The following SPTBN4 variants were observed in gnomAD, a reference collection of about 807,000 sequenced individuals.
The protein encoded by SPTBN4 is spectrin beta chain, non-erythrocytic 4.
SPTBN4 carries 96 observed loss-of-function variants against 277.8 expected under a neutral mutation model. The observed-to-expected ratio is 0.35, with a 90% CI of 0.29 to 0.41. SPTBN4 has a LOEUF of 0.41. SPTBN4 is among the 10% of genes least tolerant of loss of function. The pLI, the probability that SPTBN4 is intolerant of heterozygous loss-of-function variation, is 1.00. For synonymous variants in SPTBN4, 1,481 were observed against 1,580.3 expected (o/e 0.94, Z 1.49); for missense variants, 3,006 against 3,595.7 (o/e 0.84, Z 4.19).
chr19:40,524,282 A>G (rs1020497705), intron 17 of SPTBN4, among the ~76,000 whole-genome samples: 10 of 150,302 alleles, frequency 6.7e-5, no homozygotes, highest in Non-Finnish European at 1.5e-4. Context: ...AGACGGGAGG[A>G]TTGCTTGTGC....
intron 20 of SPTBN4, among the ~76,000 whole-genome samples, chr19:40,546,174 G>A (rs1248971903): frequency 1.4e-5 from 2 of 138,070 alleles, no homozygotes; most frequent in African/African-American, 2.7e-5. Flanking sequence ...GCAGTGAGCC[G>A]AGATCATGCC....
intron 17 of SPTBN4, among the ~76,000 whole-genome samples, chr19:40,525,608 T>C (rs560222777): frequency 1.3e-5 from 2 of 152,332 alleles, no homozygotes; most frequent in Non-Finnish European, 2.9e-5. Context: ...CATTAATTGC[T>C]CCTTTCACTC....
intron 26 of SPTBN4, among the ~76,000 whole-genome samples, chr19:40,559,450 T>C (rs1210259160): frequency 6.6e-6 from 1 of 152,144 alleles, no homozygotes; most frequent in East Asian, 1.9e-4. Flanking sequence ...GAGTTCAAGA[T>C]GAGCCTGGGC....
Position 40,487,941 on chromosome 19 carries a change from G to T in SPTBN4, c.321+93G>T, listed in dbSNP as rs958966914. 5 of 1,400,870 alleles carry T rather than the reference G, an allele frequency of 3.6e-6. No individual in the cohort carries two copies. In the African/African-American group the frequency reaches 5.8e-5, roughly 16 times the overall value. The allele number at this position is 1,400,870 out of a possible 1,614,324, so 86.8% of individuals were successfully genotyped here. A position where few individuals can be genotyped will look rare whatever the true frequency, so the allele number is the denominator to read the frequency against. ...TGGAAGGGCTGAACTGCAAGCAGGG[G>T]CCTGGCTCATGGGCGAGTGGAACGT... On this transcript the variant is annotated intron_variant, in intron 3 of 35. Coordinates refer to ENST00000598249, the MANE Select transcript of SPTBN4 (RefSeq NM_020971.3).
At position 40,570,345 on chromosome 19, in the gene SPTBN4, A is replaced by G; in HGVS notation, c.7027-91A>G. Reference sequence around the variant, plus strand: ...CTCCGAGACAAATGGCCCTGTAGACAGATGGGACCCCAGACCCATGACTCC... The same window carrying G: ...CTCCGAGACAAATGGCCCTGTAGACGGATGGGACCCCAGACCCATGACTCC... On this transcript the variant is annotated intron_variant, in intron 32 of 35. Transcript: ENST00000598249. 5.0e-6 allele frequency: 4 copies of G among 801,374 alleles called. No homozygotes were observed. In the South Asian group the frequency reaches 7.9e-5, roughly 16 times the overall value. 49.6% of individuals were successfully genotyped at this position (801,374 alleles called of 1,614,324 possible).
In SPTBN4 at chr19:40,512,961, G is replaced by A. The variant is rs752510401; in HGVS notation, c.2172G>A (p.Glu724=). 1.1e-5 allele frequency: 15 copies of A among 1,412,896 alleles called. No individual in the cohort carries two copies. The South Asian group carries it at 1.9e-4, about 18-fold the overall frequency. 87.5% of individuals were successfully genotyped at this position (1,412,896 alleles called of 1,614,324 possible). ...LLQQALRCGE[E]LVAAGGAVGP... ...AGCAGGCCCTGCGGTGTGGCGAGGA[G>A]CTGGTTGCGGCCGGCGGTGCCGTCG... is the stretch of plus-strand genomic sequence containing the variant. The change falls in exon 14 of 36, where the codon GAG becomes GAA. Residue 724 remains glutamate, a synonymous_variant. Transcript: ENST00000598249.
intron 17 of SPTBN4, among the ~76,000 whole-genome samples, chr19:40,525,866 T>C (rs2080584732): frequency 6.6e-6 from 1 of 152,194 alleles, no homozygotes; most frequent in African/African-American, 2.4e-5. Flanking sequence ...GTCCCAGGCT[T>C]GTGGTGGGTG....
intron 27 of SPTBN4, among the ~76,000 whole-genome samples, chr19:40,561,901 G>A (rs1011410397): frequency 1.3e-5 from 2 of 152,098 alleles, no homozygotes; most frequent in African/African-American, 2.4e-5. Context: ...AATGATAGCT[G>A]GCAAAGTCTC....
rs1053764687 is a variant in SPTBN4, at chr19:40,549,124, C to T, written c.4360-65C>T. On this transcript the variant is annotated intron_variant, in intron 20 of 35. Coordinates refer to ENST00000598249, the MANE Select transcript of SPTBN4 (RefSeq NM_020971.3). The stretch of plus-strand genomic sequence containing the variant: ...GGGTCTGGCTGTCACCATAAGGGTA[C>T]TGGAGAGCCACAGCAGGATCAGGAG... 3.6e-4 allele frequency: 499 copies of T among 1,372,498 alleles called. 2 individuals are homozygous for T. Among genetic ancestry groups the T allele is most frequent in the Non-Finnish European group, 4.7e-4 (478 of 1,017,270 alleles). The allele number at this position is 1,372,498 out of a possible 1,614,324, so 85.0% of individuals were successfully genotyped here. A position where few individuals can be genotyped will look rare whatever the true frequency, so the allele number is the denominator to read the frequency against.
In SPTBN4 at chr19:40,504,141, G is replaced by GT. The variant is rs1555813703; in HGVS notation, c.1665+9_1665+10insT. 3 of 1,280,158 alleles carry GT rather than the reference G, an allele frequency of 2.3e-6. No homozygotes were observed. Among genetic ancestry groups the GT allele is most frequent in the Non-Finnish European group, 3.3e-6 (3 of 910,202 alleles). The allele number at this position is 1,280,158 out of a possible 1,614,324, so 79.3% of individuals were successfully genotyped here. On this transcript the variant is annotated intron_variant, in intron 12 of 35. Coordinates refer to ENST00000598249, the MANE Select transcript of SPTBN4 (RefSeq NM_020971.3). The stretch of plus-strand genomic sequence containing the variant: ...GGATGGAGGAGATGCAGGTGCCGGC[G>GT]GGGGGGCGGGGATGCGGGTGGAGTG...
chr19:40,527,784 T>C (rs998062754), intron 17 of SPTBN4, among the ~76,000 whole-genome samples: 5 of 152,120 alleles, frequency 3.3e-5, no homozygotes, highest in Admixed American at 1.3e-4. Flanking sequence ...ATTGGCCGAG[T>C]GCAGGAGCTC....
intron 27 of SPTBN4, among the ~76,000 whole-genome samples, chr19:40,562,834 C>CAA (rs111380293): frequency 1.1e-4 from 15 of 135,662 alleles, no homozygotes; most frequent in African/African-American, 3.8e-4. Flanking sequence ...AATTCCATCT[C>CAA]AAAAAAAAAA....
intron 35 of SPTBN4, among the ~76,000 whole-genome samples, chr19:40,575,090 G>A (rs2081188987): frequency 1.3e-5 from 2 of 151,346 alleles, no homozygotes; most frequent in South Asian, 2.1e-4. Context: ...ATTGATACAT[G>A]ATAAACTGAT....
chr19:40,567,143 A>T (rs1429282226), intron 30 of SPTBN4: 2 of 455,520 alleles, frequency 4.4e-6, no homozygotes, highest in Admixed American at 4.7e-5. Context: ...AACAAAGAAA[A>T]AACAGCCAGG....
At chr19:40,505,348 A>G (rs1448293811) in intron 12 of SPTBN4, among the ~76,000 whole-genome samples, 2 of 139,824 alleles carry the variant, frequency 1.4e-5, no homozygotes, top group Non-Finnish European at 3.0e-5. Context: ...GCACCACTAC[A>G]CTTCAACCTG....
intron 17 of SPTBN4, among the ~76,000 whole-genome samples, chr19:40,528,289 G>A (rs779418286): frequency 1.1e-4 from 17 of 152,134 alleles, no homozygotes; most frequent in Non-Finnish European, 1.8e-4. Flanking sequence ...CAGACTGCCC[G>A]GGGCCCATGG....
chr19:40,518,915 A>T (rs143601511), intron 15 of SPTBN4, among the ~76,000 whole-genome samples: 192 of 152,184 alleles, frequency 1.3e-3, no homozygotes, highest in South Asian at 3.1e-3. Context: ...TCTTAAAAAA[A>T]TTTTTTTAAA....
intron 17 of SPTBN4, among the ~76,000 whole-genome samples, chr19:40,525,240 G>A (rs1652411490): frequency 6.6e-6 from 1 of 151,926 alleles, no homozygotes; most frequent in Admixed American, 6.6e-5. Flanking sequence ...AAACTTTTAT[G>A]GGAATTCTGT....
At chr19:40,530,544 C>A (rs1281685959) in intron 18 of SPTBN4, 51 of 980,536 alleles carry the variant, frequency 5.2e-5, no homozygotes, top group Non-Finnish European at 6.0e-5. Flanking sequence ...GGCGAGCACC[C>A]GCCCGCCCGC....
Sources: allele counts gnomAD v4.1 joint callset (sites outside exome capture counted in the v4.1 genomes callset), GRCh38; gene constraint gnomAD v4.1.1; transcripts MANE v1.5; gene names NCBI Gene and HGNC (gene_info 2026-07-23, HGNC 2026-07-21).